ATG13: variants seen among roughly 807,000 people sequenced by gnomAD.
The protein encoded by ATG13 is autophagy related 13.
A neutral mutation model predicts 65.5 loss-of-function variants in ATG13; 23 were observed. The ratio of observed to expected loss-of-function variants is 0.35; its 90% confidence interval spans 0.25 to 0.50. The LOEUF (loss-of-function observed/expected upper bound fraction) is 0.50. Ranked by LOEUF, ATG13 falls within the 20% of genes least tolerant of loss-of-function variation. The probability of loss-of-function intolerance (pLI) is 0.98; values close to 1 mark genes in which losing one functional copy is unlikely to be tolerated. For missense variants in ATG13, 566 were observed against 677.0 expected (o/e 0.84, Z 1.82); for synonymous variants, 252 against 245.2 (o/e 1.03, Z -0.26).
At chr11:46,659,239 A>T in intron 10 of ATG13, 153 bp from the exon 11 acceptor site, 1 of 582,830 alleles carries the variant, frequency 1.7e-6, no homozygotes, top group Non-Finnish European at 3.1e-6. Context: ...AATGTTTGAA[A>T]TTATTGAGGA....
intron 1 of ATG13, among the ~76,000 whole-genome samples, chr11:46,628,506 T>C (rs759580854): frequency 6.6e-6 from 1 of 152,140 alleles, no homozygotes; most frequent in Non-Finnish European, 1.5e-5. Flanking sequence ...ATTATTTCTT[T>C]AATAGTTTTG....
chr11:46,669,429 T>A lies in ATG13; in HGVS notation c.1472T>A (p.Ile491Asn). 1 of 1,614,132 alleles carries A rather than the reference T, an allele frequency of 6.2e-7. No homozygotes were observed. The highest frequency in any genetic ancestry group is 8.5e-7 in the Non-Finnish European group (1 of 1,179,990). ...AAACCAGCTTTTTCTAAAGATGACA[T>A]TCTTCCGATGGACCTGGGGACCTTC... ...DFKPAFSKDD[I>N]LPMDLGTFYR... is the part of the protein sequence containing the mutation. The change falls in exon 18 of 19, where the codon ATT (isoleucine) becomes AAT (asparagine). Residue 491 changes from isoleucine to asparagine, a missense_variant. Ile to Asn is a moderately radical substitution (Grantham distance 149). Around this residue, in one of 2 missense-constraint regions of ATG13, gnomAD observed 387 missense variants for 409.8 expected, o/e 0.94. Transcript: ENST00000683050.
chr11:46,671,233 T>A (rs930986251), intron 18 of ATG13, among the ~76,000 whole-genome samples: 2 of 152,242 alleles, frequency 1.3e-5, no homozygotes, highest in Admixed American at 1.3e-4. Flanking sequence ...CGCTCCCTTG[T>A]GGTCGTGTTT....
chr11:46,642,198 C>G (rs2056244475), intron 2 of ATG13, among the ~76,000 whole-genome samples: 1 of 151,642 alleles, frequency 6.6e-6, no homozygotes, highest in Non-Finnish European at 1.5e-5. Flanking sequence ...AAATGAAACT[C>G]TAGCTTCTCA....
At chr11:46,663,231 A>C (rs2061547615) in intron 11 of ATG13, among the ~76,000 whole-genome samples, 1 of 128,386 alleles carries the variant, frequency 7.8e-6, no homozygotes, top group Non-Finnish European at 1.5e-5. Flanking sequence ...GCACCACTGC[A>C]CTCCAGCCTG....
At position 46,664,935 on chromosome 11, in the gene ATG13, C is replaced by T. The variant is rs753121450; in HGVS notation, c.975C>T (p.Gly325=). The T allele has an allele frequency of 5.6e-6, 9 of 1,613,808 alleles. No homozygotes were observed. In the East Asian group the frequency reaches 1.6e-4, roughly 28 times the overall value. ...CTTATCCAGTAGTGTTTGCTGCTGG[C>T]TTAAATGCTACACACCCTCACCAGG... ...DLAYPVVFAA[G]LNATHPHQLM... The change falls in exon 13 of 19, where the codon GGC becomes GGT. Residue 325 remains glycine (G), a synonymous_variant. Coordinates refer to ENST00000683050, the MANE Select transcript of ATG13 (RefSeq NM_001346311.2).
At chr11:46,620,833 G>A (rs1456214901) in intron 1 of ATG13, among the ~76,000 whole-genome samples, 1 of 152,008 alleles carries the variant, frequency 6.6e-6, no homozygotes, top group East Asian at 1.9e-4. Flanking sequence ...GGTCTCCTCA[G>A]TAAAAGTAAA....
intron 15 of ATG13, 35 bp downstream of exon 15, chr11:46,667,922 C>T (rs2062738313): frequency 6.5e-7 from 1 of 1,539,180 alleles, no homozygotes; most frequent in African/African-American, 1.4e-5. Context: ...GTGAGAATGT[C>T]TGAGTTCTTA....
At chr11:46,666,248 T>C (rs1487867026) in intron 14 of ATG13, among the ~76,000 whole-genome samples, 1 of 152,240 alleles carries the variant, frequency 6.6e-6, no homozygotes, top group African/African-American at 2.4e-5. Context: ...GCTCGGTTCT[T>C]GTCACCCTTA....
chr11:46,663,025 G>A (rs1050624394), intron 11 of ATG13, among the ~76,000 whole-genome samples: 2 of 152,090 alleles, frequency 1.3e-5, no homozygotes, highest in Non-Finnish European at 2.9e-5. Context: ...CAGCACTTTG[G>A]GAGGCCGAGG....
intron 1 of ATG13, among the ~76,000 whole-genome samples, chr11:46,623,989 G>A (rs1591432727): frequency 6.7e-6 from 1 of 148,822 alleles, no homozygotes; most frequent in African/African-American, 2.5e-5. Context: ...GGACCAAAAT[G>A]TAATTTTATC....
At chr11:46,619,372 C>CTTTTTTTGTTTTTTTT in intron 1 of ATG13, among the ~76,000 whole-genome samples, 1 of 35,328 alleles carries the variant, frequency 2.8e-5, no homozygotes, top group Non-Finnish European at 5.4e-5. Flanking sequence ...AGATTTCTTG[C>CTTTTTTTGTTTTTTTT]TTTTTTTTTT....
At position 46,656,913 on chromosome 11, in the gene ATG13, ACACATACACG is replaced by A. The variant is rs908307217; in HGVS notation, c.500-172_500-163del. ...AGAGGGAAGAAACCTATATATACAC[ACACATACACG>A]CACATACACACACACACACACACAC... On this transcript the variant is annotated intron_variant, in intron 8 of 18. Coordinates refer to ENST00000683050, the MANE Select transcript of ATG13 (RefSeq NM_001346311.2). 38 of 554,296 alleles carry A rather than the reference ACACATACACG, an allele frequency of 6.9e-5. No individual in the cohort carries two copies. The African/African-American group carries it at 8.5e-4, about 12-fold the overall frequency. The allele number at this position is 554,296 out of a possible 1,614,324, so 34.3% of individuals were successfully genotyped here. A position where few individuals can be genotyped will look rare whatever the true frequency, so the allele number is the denominator to read the frequency against.
chr11:46,654,446 G>A (rs1368530619), intron 7 of ATG13, among the ~76,000 whole-genome samples: 1 of 134,970 alleles, frequency 7.4e-6, no homozygotes, highest in Admixed American at 7.5e-5. Context: ...CAGGACCAGG[G>A]GCAGTGGCTC....
intron 9 of ATG13, 130 bp from the exon 10 acceptor site, chr11:46,657,394 T>G: frequency 9.8e-7 from 1 of 1,019,964 alleles, no homozygotes; most frequent in Non-Finnish European, 1.5e-6. Context: ...GTGGTTTATA[T>G]TTAGGGATTG....
Position 46,659,371 on chromosome 11 carries a change from ATTTC to A in ATG13, c.696-13_696-10del, listed in dbSNP as rs1432353385. The stretch of plus-strand genomic sequence containing the variant: ...GACTGCCACCACCATAAAATTCATT[ATTTC>A]TTTCTTTTCACTTTAGAACTGCTGG... On this transcript the variant is annotated splice_polypyrimidine_tract_variant and intron_variant, in intron 10 of 18. Coordinates refer to ENST00000683050, the MANE Select transcript of ATG13 (RefSeq NM_001346311.2). 1.3e-6 allele frequency: 2 copies of A among 1,583,256 alleles called. No homozygotes were observed. The highest frequency in any genetic ancestry group is 1.7e-6 in the Non-Finnish European group (2 of 1,153,160).
At chr11:46,627,717 G>C (rs904889321) in intron 1 of ATG13, among the ~76,000 whole-genome samples, 1 of 152,016 alleles carries the variant, frequency 6.6e-6, no homozygotes, top group African/African-American at 2.4e-5. Flanking sequence ...GATCTCAGGT[G>C]ATCTGCCCGC....
rs1565398160 is a variant in ATG13, at chr11:46,622,106, TA to T, written c.-70+4217del. 1.4e-3 allele frequency among the ~76,000 whole-genome samples: 168 copies of T among 123,648 alleles called. 2 individuals carry two copies. The highest frequency in any genetic ancestry group is 4.3e-3 in the African/African-American group (145 of 33,912). 81.1% of individuals were successfully genotyped at this position (123,648 alleles called of 152,430 possible). A position where few individuals can be genotyped will look rare whatever the true frequency, so the allele number is the denominator to read the frequency against. ...ATATATATATATATATATATATATA[TA>T]TATATATATATATATATATATTTAT... is the stretch of plus-strand genomic sequence containing the variant. On this transcript the variant is annotated intron_variant, in intron 1 of 18. Transcript: ENST00000683050.
At chr11:46,649,109 A>T (rs1176191541) in intron 5 of ATG13, 28 bp from the exon 6 acceptor site, 21 of 1,599,656 alleles carry the variant, frequency 1.3e-5, no homozygotes, top group Non-Finnish European at 1.7e-5. Flanking sequence ...TTTTTTAAAC[A>T]AATATTTTAA....
Sources: allele counts gnomAD v4.1 joint callset (sites outside exome capture counted in the v4.1 genomes callset), GRCh38; gene constraint gnomAD v4.1.1; regional missense constraint gnomAD v4.1.1; transcripts MANE v1.5; gene names NCBI Gene and HGNC (gene_info 2026-07-23, HGNC 2026-07-21).